The following PCDH11X variants were observed in gnomAD, a reference collection of about 807,000 sequenced individuals.
PCDH11X encodes the protein protocadherin 11 X-linked.
Under a neutral mutation model 53.3 loss-of-function variants are expected in PCDH11X, and 18 were observed. The ratio of observed to expected loss-of-function variants is 0.34; its 90% CI spans 0.23 to 0.50. PCDH11X has a LOEUF of 0.50. PCDH11X is among the 20% of genes least tolerant of loss of function. The pLI, the probability that PCDH11X is intolerant of heterozygous loss-of-function variation, is 0.98. For missense variants in PCDH11X, 570 were observed against 1,032.4 expected (o/e 0.55, Z 6.14); for synonymous variants, 279 against 393.3 (o/e 0.71, Z 3.44).
At chrX:92,037,774 T>C (rs1039462847) in intron 6 of PCDH11X, among the ~76,000 whole-genome samples, 2 of 111,411 alleles carry the variant, frequency 1.8e-5, no homozygotes, top group Non-Finnish European at 3.8e-5. Context: ...TGGTTTCAAT[T>C]TGTATTTCTC....
chrX:92,352,015 A>G (rs1337242278), intron 8 of PCDH11X, among the ~76,000 whole-genome samples: 3 of 112,072 alleles, frequency 2.7e-5, no homozygotes, highest in Non-Finnish European at 5.6e-5. Context: ...CATACCATCA[A>G]TTGGAGAATA....
At chrX:91,785,988 G>A (rs1197970808) in intron 1 of PCDH11X, among the ~76,000 whole-genome samples, 1 of 111,863 alleles carries the variant, frequency 8.9e-6, no homozygotes, top group Admixed American at 9.5e-5. Context: ...GTTACATCTG[G>A]AGAAACACTG....
At chrX:92,143,924 G>A (rs2065229810) in intron 6 of PCDH11X, among the ~76,000 whole-genome samples, 1 of 111,735 alleles carries the variant, frequency 8.9e-6, no homozygotes, top group African/African-American at 3.3e-5. Flanking sequence ...CCAAGACCAT[G>A]GGAACCCACC....
chrX:91,818,250 G>A (rs1245234860), intron 4 of PCDH11X, among the ~76,000 whole-genome samples: 1 of 110,864 alleles, frequency 9.0e-6, no homozygotes, highest in Non-Finnish European at 1.9e-5. Context: ...TCAAAAGAAT[G>A]GTGTCTTTAT....
At chrX:92,584,132 G>A (rs1254991018) in intron 10 of PCDH11X, among the ~76,000 whole-genome samples, 2 of 110,367 alleles carry the variant, frequency 1.8e-5, no homozygotes, top group African/African-American at 6.6e-5. Flanking sequence ...AACTAAAACA[G>A]TGTCCAGAGT....
intron 8 of PCDH11X, among the ~76,000 whole-genome samples, chrX:92,385,144 G>A (rs1290213303): frequency 2.5e-5 from 2 of 80,832 alleles, no homozygotes; most frequent in East Asian, 6.7e-4. Context: ...AAACTTTTAT[G>A]AAACTCTGCT....
At chrX:92,291,961 G>C (rs190803595) in intron 8 of PCDH11X, among the ~76,000 whole-genome samples, 1,205 of 111,249 alleles carry the variant, frequency 0.011, 18 homozygotes, top group East Asian at 0.11. Flanking sequence ...ATCCATTTTG[G>C]AGACTATTTG....
At chrX:92,518,817 T>C (rs2074317398) in intron 10 of PCDH11X, among the ~76,000 whole-genome samples, 1 of 96,312 alleles carries the variant, frequency 1.0e-5, no homozygotes, top group African/African-American at 3.9e-5. Context: ...AGTGCAGTGG[T>C]GTGATCTCGG....
At chrX:92,548,842 A>C (rs1365865680) in intron 10 of PCDH11X, among the ~76,000 whole-genome samples, 2 of 108,981 alleles carry the variant, frequency 1.8e-5, no homozygotes, top group African/African-American at 3.4e-5. Context: ...GAGTTATTAA[A>C]ATTATTCATT....
intron 8 of PCDH11X, among the ~76,000 whole-genome samples, chrX:92,318,695 A>C (rs1047496052): frequency 5.7e-4 from 64 of 111,501 alleles, no homozygotes; most frequent in African/African-American, 1.9e-3. Flanking sequence ...TGATTACATA[A>C]AATCTCAATA....
At chrX:91,994,056 T>G (rs1355626373) in intron 6 of PCDH11X, among the ~76,000 whole-genome samples, 2 of 92,797 alleles carry the variant, frequency 2.2e-5, no homozygotes, top group Non-Finnish European at 4.3e-5. Flanking sequence ...TCTTCCAGCT[T>G]TATGAGGTAA....
At chrX:92,273,423 C>A (rs1316886002) in intron 8 of PCDH11X, among the ~76,000 whole-genome samples, 1 of 111,549 alleles carries the variant, frequency 9.0e-6, no homozygotes, top group Non-Finnish European at 1.9e-5. Context: ...CTTTTCACTT[C>A]TTTTGTGATT....
chrX:91,907,412 C>CACACACAGAGAGAGAGAGAG (rs756926383), intron 6 of PCDH11X, among the ~76,000 whole-genome samples: 1 of 57,496 alleles, frequency 1.7e-5, no homozygotes, highest in African/African-American at 7.5e-5. Context: ...CACACACACA[C>CACACACAGAGAGAGAGAGAG]AGAGAGAGAG....
intron 8 of PCDH11X, among the ~76,000 whole-genome samples, chrX:92,360,899 G>A (rs1338777094): frequency 1.9e-5 from 2 of 107,936 alleles, no homozygotes; most frequent in African/African-American, 3.4e-5. Context: ...CCTGTGTTGG[G>A]CCACTACAAA....
chrX:91,813,994 A>T (rs777879503), intron 4 of PCDH11X, among the ~76,000 whole-genome samples: 1 of 104,828 alleles, frequency 9.5e-6, no homozygotes, highest in Non-Finnish European at 2.0e-5. Flanking sequence ...GAGATGTCAA[A>T]TTTTTATTAT....
At chrX:92,395,579 T>C (rs1419641384) in intron 9 of PCDH11X, among the ~76,000 whole-genome samples, 7 of 110,804 alleles carry the variant, frequency 6.3e-5, no homozygotes, top group Non-Finnish European at 1.3e-4. Context: ...CCTTCTAGGG[T>C]CATAATTTTG....
At chrX:92,243,813 G>T (rs1047521941) in intron 7 of PCDH11X, among the ~76,000 whole-genome samples, 12 of 111,299 alleles carry the variant, frequency 1.1e-4, no homozygotes, top group African/African-American at 3.9e-4. Flanking sequence ...TCTCTCTGTA[G>T]ATGACTAGTT....
intron 1 of PCDH11X, among the ~76,000 whole-genome samples, chrX:91,785,315 C>T (rs1387763766): frequency 9.3e-6 from 1 of 107,837 alleles, no homozygotes; most frequent in Non-Finnish European, 1.9e-5. Context: ...CCTCATCCCA[C>T]ACACAGGATT....
chrX:91,836,173 G>A, intron 5 of PCDH11X, 129 bp downstream of exon 5: 1 of 859,373 alleles, frequency 1.2e-6, no homozygotes, highest in Non-Finnish European at 1.6e-6. Flanking sequence ...GTAATTTAAA[G>A]CATAGTGGAG....
Sources: gnomAD v4.1 joint callset for allele counts (sites outside exome capture counted in the v4.1 genomes callset) on GRCh38, gnomAD v4.1.1 for gene constraint, MANE v1.5 for transcripts, NCBI Gene and HGNC (gene_info 2026-07-23, HGNC 2026-07-21) for gene names.